COG3: variants seen among roughly 807,000 people sequenced by gnomAD.
The protein encoded by COG3 is component of oligomeric golgi complex 3.
In COG3, 32 loss-of-function variants were observed where a neutral mutation model predicts 114.1. That is an observed-to-expected ratio of 0.28 (90% CI 0.21 to 0.38). The LOEUF (loss-of-function observed/expected upper bound fraction) is 0.38. Ranked by LOEUF, COG3 falls within the 10% of genes least tolerant of loss-of-function variation. COG3 has a pLI of 1.00. For missense variants in COG3, 813 were observed against 973.2 expected (o/e 0.84, Z 2.19); for synonymous variants, 352 against 365.7 (o/e 0.96, Z 0.43).
At chr13:45,520,759 T>G (rs1478951892) in intron 19 of COG3, among the ~76,000 whole-genome samples, 1 of 152,178 alleles carries the variant, frequency 6.6e-6, no homozygotes, top group African/African-American at 2.4e-5. Flanking sequence ...TGCTTTCTCC[T>G]AGGTTTTGAT....
At chr13:45,521,637 G>A (rs1312920113) in intron 19 of COG3, among the ~76,000 whole-genome samples, 1 of 151,664 alleles carries the variant, frequency 6.6e-6, no homozygotes, top group Non-Finnish European at 1.5e-5. Flanking sequence ...TAAAATTTGT[G>A]GACCAAAGAT....
intron 13 of COG3, among the ~76,000 whole-genome samples, chr13:45,496,710 G>A (rs1229222864): frequency 6.6e-6 from 1 of 151,960 alleles, no homozygotes; most frequent in Non-Finnish European, 1.5e-5. Flanking sequence ...GTCTTGCTCT[G>A]TCGCCCAGGC....
At chr13:45,506,433 C>A (rs569058237) in intron 14 of COG3, among the ~76,000 whole-genome samples, 1 of 151,928 alleles carries the variant, frequency 6.6e-6, no homozygotes, top group African/African-American at 2.4e-5. Context: ...GTGAGAAGAT[C>A]GAAATCTCAA....
chr13:45,509,100 C>T (rs767753349), intron 14 of COG3, among the ~76,000 whole-genome samples: 1 of 150,294 alleles, frequency 6.7e-6, no homozygotes, highest in Non-Finnish European at 1.5e-5. Context: ...AGTGCAGTGG[C>T]GAGATCTTGG....
At chr13:45,471,632 A>T (rs1292781758) in intron 1 of COG3, among the ~76,000 whole-genome samples, 2 of 151,770 alleles carry the variant, frequency 1.3e-5, no homozygotes, top group Admixed American at 6.6e-5. Context: ...TTTTGGGTAG[A>T]TATGTGTTTT....
chr13:45,496,371 TATTA>T, intron 13 of COG3, 59 bp downstream of exon 13: 1 of 1,242,036 alleles, frequency 8.1e-7, no homozygotes, highest in South Asian at 2.7e-5. Flanking sequence ...ATGTTTTATT[TATTA>T]TTTTTTTAAA....
intron 12 of COG3, among the ~76,000 whole-genome samples, chr13:45,495,563 A>G (rs891729552): frequency 3.3e-5 from 5 of 151,646 alleles, no homozygotes; most frequent in African/African-American, 1.2e-4. Flanking sequence ...TTTTATGGAG[A>G]TGGAGTTTTG....
intron 20 of COG3, among the ~76,000 whole-genome samples, chr13:45,526,659 ATTATT>A (rs1216048382): frequency 1.3e-5 from 2 of 152,174 alleles, no homozygotes; most frequent in African/African-American, 4.8e-5. Context: ...TATTGTCTTT[ATTATT>A]TTAAACGTTC....
At chr13:45,486,950 A>T (rs9595327) in intron 8 of COG3, among the ~76,000 whole-genome samples, 47,924 of 152,122 alleles carry the variant, frequency 0.32, 8,599 homozygotes, top group Admixed American at 0.42. Flanking sequence ...TCTTTATACT[A>T]CAAAGACTCT....
rs10616843 is a variant in COG3, at chr13:45,484,575, TGC to T, written c.843+1221_843+1222del. On this transcript the variant is annotated intron_variant, in intron 7 of 22. Transcript: ENST00000349995. ...TTCCTGAGATTTTTCTCCCTAAGCT[TGC>T]TTATTTATTTATTTATTTATTTATT... 2.0e-3 allele frequency among the ~76,000 whole-genome samples: 217 copies of T among 108,680 alleles called. 2 individuals are homozygous for T. Among genetic ancestry groups the T allele is most frequent in the African/African-American group, 0.011 (182 of 16,504 alleles). 71.3% of individuals were successfully genotyped at this position (108,680 alleles called of 152,430 possible).
intron 7 of COG3, 25 bp from the exon 8 acceptor site, chr13:45,486,470 C>T (rs755925057): frequency 1.4e-6 from 2 of 1,415,126 alleles, no homozygotes; most frequent in East Asian, 2.3e-5. Flanking sequence ...ATCTTCCTTC[C>T]TTATCCTCCC....
At chr13:45,529,959 T>C in intron 21 of COG3, 41 bp downstream of exon 21, 3 of 1,571,802 alleles carry the variant, frequency 1.9e-6, no homozygotes, top group South Asian at 2.4e-5. Context: ...GCGGGTGACT[T>C]CAAGTATTCT....
At chr13:45,476,006 C>T (rs1297086826) in intron 1 of COG3, among the ~76,000 whole-genome samples, 195 bp from the exon 2 acceptor site, 16 of 151,040 alleles carry the variant, frequency 1.1e-4, no homozygotes, top group Admixed American at 1.1e-3. Context: ...ACATCAGTGT[C>T]ATGTTTATAT....
Position 45,534,998 on chromosome 13 carries a change from A to G in COG3, c.*267A>G. The stretch of plus-strand genomic sequence containing the variant: ...ATGGTCACAAGAAATGTGAAGAGAG[A>G]GCTAGGGCAGACATGCAGTGAAATG... On this transcript the variant is annotated 3_prime_UTR_variant, in exon 23 of 23. Coordinates refer to ENST00000349995, the MANE Select transcript of COG3 (RefSeq NM_031431.4). The G allele has an allele frequency of 8.3e-7, 1 of 1,209,254 alleles. No homozygotes were observed. The highest frequency in any genetic ancestry group is 1.0e-6 in the Non-Finnish European group (1 of 974,476). The allele number at this position is 1,209,254 out of a possible 1,614,324, so 74.9% of individuals were successfully genotyped here.
intron 8 of COG3, among the ~76,000 whole-genome samples, chr13:45,490,294 G>T (rs1443625987): frequency 2.0e-5 from 3 of 152,110 alleles, no homozygotes; most frequent in Non-Finnish European, 4.4e-5. Flanking sequence ...CTGGTGTTTT[G>T]GGGTCCCCAC....
intron 15 of COG3, 53 bp downstream of exon 15, chr13:45,509,869 A>G (rs1422862647): frequency 1.9e-5 from 28 of 1,439,012 alleles, no homozygotes; most frequent in Non-Finnish European, 2.6e-5. Flanking sequence ...AATATTTTTA[A>G]ATTTACATTT....
rs1256324248 is a variant in COG3 at position 45,480,241 on chromosome 13, A to G, written c.500A>G (p.Asn167Ser). Residue 167 changes from asparagine (N) to serine (S), a missense_variant, in exon 4 of 23, where the codon AAT becomes AGT. Transcript: ENST00000349995. ...SLQKQYLFVS[N>S]KTGTLHEACE... ...CAGAAACAGTATCTTTTTGTGTCCA[A>G]TAAGACAGGAACCCTACATGAAGCC... The G allele has an allele frequency of 5.0e-6, 8 of 1,613,882 alleles. No homozygotes were observed. The East Asian group carries it at 6.7e-5, about 13-fold the overall frequency.
chr13:45,482,486 A>G lies in COG3; in HGVS notation c.717+13A>G. ...TATCTCATCTCATGTAAGTCAGAGT[A>G]TTTTTGCATGTTTTAAAGAAATCCT... is the stretch of plus-strand genomic sequence containing the variant. On this transcript the variant is annotated intron_variant, in intron 6 of 22. Transcript: ENST00000349995. 1 of 1,257,714 alleles carries G rather than the reference A, an allele frequency of 8.0e-7. No individual in the cohort carries two copies. Among genetic ancestry groups the G allele is most frequent in the Middle Eastern group, 1.9e-4 (1 of 5,278 alleles). The allele number at this position is 1,257,714 out of a possible 1,614,324, so 77.9% of individuals were successfully genotyped here.
In COG3 at chr13:45,481,068, T is replaced by A. The variant is rs118187994; in HGVS notation, c.550-162T>A. 5.3e-3 allele frequency among the ~76,000 whole-genome samples: 808 copies of A among 152,360 alleles called. 4 individuals are homozygous for A. Among genetic ancestry groups the A allele is most frequent in the Middle Eastern group, 0.02 (6 of 294 alleles). On this transcript the variant is annotated intron_variant, in intron 4 of 22. Coordinates refer to ENST00000349995, the MANE Select transcript of COG3 (RefSeq NM_031431.4). ...TCATATAAAATTTACTGTAATATTA[T>A]CGCCCCTTTTAGTTCATGATTGTAG...
Sources: gnomAD v4.1 joint callset for allele counts (sites outside exome capture counted in the v4.1 genomes callset) on GRCh38, gnomAD v4.1.1 for gene constraint, MANE v1.5 for transcripts, NCBI Gene and HGNC (gene_info 2026-07-23, HGNC 2026-07-21) for gene names.